PHC3: variants seen among roughly 807,000 people sequenced by gnomAD.
The protein encoded by PHC3 is polyhomeotic-like protein 3.
A neutral mutation model predicts 107.4 loss-of-function variants in PHC3; 13 were observed. The observed-to-expected ratio is 0.12, with a 90% confidence interval of 0.08 to 0.19. The LOEUF (loss-of-function observed/expected upper bound fraction) is 0.19. PHC3 is among the 10% of genes least tolerant of loss of function. The pLI is 1.00. For synonymous variants in PHC3, 456 were observed against 427.4 expected (o/e 1.07, Z -0.83); for missense variants, 992 against 1,210.9 (o/e 0.82, Z 2.68).
At position 170,129,102 on chromosome 3, in the gene PHC3, T is replaced by C; in HGVS notation, c.1370A>G (p.Gln457Arg). ...NLQQSTANQV[Q>R]ATAQLNLPSH... is the part of the protein sequence containing the mutation. The stretch of plus-strand genomic sequence containing the variant: ...TGGAAGATTCAACTGTGCTGTAGCT[T>C]GCACCTGATTAGCAGTGGACTGCTG... The change falls in exon 8 of 15, where the codon CAA becomes CGA. Residue 457 changes from glutamine to arginine, a missense_variant. Gln to Arg is a conservative substitution (Grantham distance 43). Transcript: ENST00000495893. 1 of 1,612,846 alleles carries C rather than the reference T, an allele frequency of 6.2e-7. No homozygotes were observed. Among genetic ancestry groups the C allele is most frequent in the Non-Finnish European group, 8.5e-7 (1 of 1,179,328 alleles).
At chr3:170,175,322 G>A (rs184615520) in intron 2 of PHC3, among the ~76,000 whole-genome samples, 1 of 152,232 alleles carries the variant, frequency 6.6e-6, no homozygotes, top group Non-Finnish European at 1.5e-5. Context: ...CAGCTTAATT[G>A]AAAACTAGAG....
chr3:170,115,013 T>C (rs1020570840), intron 10 of PHC3, among the ~76,000 whole-genome samples: 8 of 152,194 alleles, frequency 5.3e-5, no homozygotes, highest in African/African-American at 1.9e-4. Context: ...TGAATAAATT[T>C]AAATCATTTT....
chr3:170,107,830 C>A (rs1267652496), intron 11 of PHC3, among the ~76,000 whole-genome samples: 3 of 152,100 alleles, frequency 2.0e-5, no homozygotes, highest in African/African-American at 7.2e-5. Flanking sequence ...AGCGCAAAGA[C>A]CCTTCCATGC....
At chr3:170,164,707 T>C (rs1468932323) in intron 4 of PHC3, among the ~76,000 whole-genome samples, 1 of 152,170 alleles carries the variant, frequency 6.6e-6, no homozygotes, top group Non-Finnish European at 1.5e-5. Flanking sequence ...TTGCCTCTTA[T>C]AACCCACACT....
chr3:170,097,942 A>T lies in PHC3; in HGVS notation c.2834-558T>A, dbSNP rs1714849657. On this transcript the variant is annotated intron_variant, in intron 14 of 14. Transcript: ENST00000495893. This position sits in a 1 kb window ranked among gnomAD's most constrained non-coding sequence, Gnocchi z 4.1. ...TTTATTGTTCACTCGGGACATATCA[A>T]ATTTCTCAAGACTGTATTACCAATC... Among the ~76,000 whole-genome samples, 1 of 152,174 alleles carries T rather than the reference A, an allele frequency of 6.6e-6. No individual in the cohort carries two copies. Among genetic ancestry groups the T allele is most frequent in the Non-Finnish European group, 1.5e-5 (1 of 68,022 alleles).
chr3:170,181,083 C>T (rs898156111), intron 1 of PHC3, among the ~76,000 whole-genome samples: 7 of 152,240 alleles, frequency 4.6e-5, no homozygotes, highest in Non-Finnish European at 8.8e-5. Flanking sequence ...GAGGCAGCAA[C>T]GCTGCACCCA....
Position 170,092,186 on chromosome 3 carries a change from G to A in PHC3, c.*5044C>T, listed in dbSNP as rs1576932885. ...AGCTAATTTTTGTGTTTTTAGTAGA[G>A]ATAGGGTTTCACCATATTGGTCAGG... On this transcript the variant is annotated 3_prime_UTR_variant, in exon 15 of 15. Coordinates refer to ENST00000495893, the MANE Select transcript of PHC3 (RefSeq NM_024947.4). 1 of 152,122 alleles carries A rather than the reference G, an allele frequency of 6.6e-6. No homozygotes were observed. The highest frequency in any genetic ancestry group is 1.5e-5 in the Non-Finnish European group (1 of 68,030). 9.4% of individuals were successfully genotyped at this position (152,122 alleles called of 1,614,324 possible). A position where few individuals can be genotyped will look rare whatever the true frequency, so the allele number is the denominator to read the frequency against.
At chr3:170,153,762 CAAAAAAAA>C (rs371840050) in intron 4 of PHC3, among the ~76,000 whole-genome samples, 1 of 108,752 alleles carries the variant, frequency 9.2e-6, no homozygotes, top group Non-Finnish European at 1.9e-5. Flanking sequence ...GACTCCGTCT[CAAAAAAAA>C]AAAAAAAAGA....
intron 8 of PHC3, among the ~76,000 whole-genome samples, chr3:170,124,603 G>T (rs1720965974): frequency 6.6e-6 from 1 of 152,118 alleles, no homozygotes. Context: ...GGGCTCAAGT[G>T]ATCCTCCTGC....
At chr3:170,125,291 T>A (rs940814770) in intron 8 of PHC3, among the ~76,000 whole-genome samples, 9 of 152,122 alleles carry the variant, frequency 5.9e-5, no homozygotes, top group Admixed American at 5.9e-4. Context: ...CTAAAAAGTG[T>A]CTGGGGGGTT....
chr3:170,162,735 C>T (rs1728086259), intron 4 of PHC3, among the ~76,000 whole-genome samples: 1 of 152,142 alleles, frequency 6.6e-6, no homozygotes. Flanking sequence ...TCTCCAACAG[C>T]TTCCCAACTC....
At chr3:170,163,729 G>C (rs1374271280) in intron 4 of PHC3, among the ~76,000 whole-genome samples, 2 of 151,832 alleles carry the variant, frequency 1.3e-5, no homozygotes, top group Non-Finnish European at 2.9e-5. Context: ...CAGGCATGGT[G>C]GTGGGCGCCT....
chr3:170,125,642 T>C (rs957716386), intron 8 of PHC3, among the ~76,000 whole-genome samples: 14 of 152,282 alleles, frequency 9.2e-5, no homozygotes, highest in Middle Eastern at 6.8e-3. Context: ...ATAACACAAA[T>C]AGCATATTTT....
intron 4 of PHC3, among the ~76,000 whole-genome samples, chr3:170,164,240 A>G (rs1728382987): frequency 6.6e-6 from 1 of 152,194 alleles, no homozygotes; most frequent in South Asian, 2.1e-4. Context: ...GGAGAGCTTT[A>G]AACAAAACTT....
chr3:170,130,566 T>G (rs576176298), intron 7 of PHC3, among the ~76,000 whole-genome samples: 1 of 152,118 alleles, frequency 6.6e-6, no homozygotes, highest in Non-Finnish European at 1.5e-5. Context: ...TTGCAGAGAA[T>G]GAGACAATCA....
chr3:170,150,218 AAC>A (rs1221657089), intron 4 of PHC3, among the ~76,000 whole-genome samples: 1 of 152,210 alleles, frequency 6.6e-6, no homozygotes, highest in African/African-American at 2.4e-5. Context: ...CAAAAATTAA[AAC>A]ACAGATAATG....
chr3:170,144,380 C>T (rs1171784486), intron 6 of PHC3, among the ~76,000 whole-genome samples: 1 of 151,548 alleles, frequency 6.6e-6, no homozygotes, highest in Non-Finnish European at 1.5e-5. Context: ...TTTGTTTATC[C>T]ACTCAGCAGC....
At chr3:170,139,196 G>A (rs1321199518) in intron 6 of PHC3, among the ~76,000 whole-genome samples, 2 of 152,098 alleles carry the variant, frequency 1.3e-5, no homozygotes, top group Non-Finnish European at 2.9e-5. Flanking sequence ...TATACTCCCT[G>A]CAGTTCGGTG....
chr3:170,180,953 T>C (rs1315810292), intron 1 of PHC3, among the ~76,000 whole-genome samples: 2 of 152,172 alleles, frequency 1.3e-5, no homozygotes. Context: ...GGCATACTAA[T>C]ACCTGCAAAA....
Sources: gnomAD v4.1 joint callset for allele counts (sites outside exome capture counted in the v4.1 genomes callset) on GRCh38, gnomAD v4.1.1 for gene constraint, Gnocchi (gnomAD v3.1) non-coding constraint, MANE v1.5 for transcripts, NCBI Gene and HGNC (gene_info 2026-07-23, HGNC 2026-07-21) for gene names.